Variants in TRIM62 observed in about 807,000 individuals in gnomAD.
TRIM62 encodes E3 ubiquitin-protein ligase TRIM62.
A neutral mutation model predicts 44.2 loss-of-function variants in TRIM62; 39 were observed. The ratio of observed to expected loss-of-function variants is 0.88; its 90% CI spans 0.68 to 1.15. The LOEUF (loss-of-function observed/expected upper bound fraction) is 1.15. Ranked by LOEUF, TRIM62 falls within the 50% of genes most tolerant of loss-of-function variation. The pLI is 0.00. For missense variants in TRIM62, 544 were observed against 665.5 expected (o/e 0.82, Z 2.01); for synonymous variants, 278 against 292.3 (o/e 0.95, Z 0.50).
intron 2 of TRIM62, 122 bp from the exon 3 acceptor site, chr1:33,160,066 T>C: frequency 1.6e-6 from 2 of 1,264,442 alleles, no homozygotes; most frequent in African/African-American, 1.5e-5. Flanking sequence ...GCACGCGTGG[T>C]GGGGGAAATG....
intron 3 of TRIM62, 65 bp from the exon 4 acceptor site, chr1:33,158,433 C>A: frequency 7.5e-7 from 1 of 1,329,092 alleles, no homozygotes; most frequent in Non-Finnish European, 1.1e-6. Context: ...GCCAGGGGCC[C>A]CGCAGCCACC....
At chr1:33,168,353 G>A (rs2124742940) in intron 1 of TRIM62, among the ~76,000 whole-genome samples, 1 of 152,186 alleles carries the variant, frequency 6.6e-6, no homozygotes, top group South Asian at 2.1e-4. Context: ...GGTTTACTCA[G>A]TGACATGCTA....
In TRIM62 at chr1:33,159,148, G is replaced by A. The variant is rs1645225503; in HGVS notation, c.761+540C>T. Among the ~76,000 whole-genome samples the A allele has an allele frequency of 6.6e-6, 1 of 151,960 alleles. No homozygotes were observed. Among genetic ancestry groups the A allele is most frequent in the African/African-American group, 2.4e-5 (1 of 41,348 alleles). On this transcript the variant is annotated intron_variant, in intron 3 of 4. Coordinates refer to ENST00000291416, the MANE Select transcript of TRIM62 (RefSeq NM_018207.3). This position sits in a 1 kb window ranked among gnomAD's most constrained non-coding sequence, Gnocchi z 4.2. ...GTGTGAGCCACCGTGCCCAGCAGGA[G>A]CCTCAGTTTCTACATGCATGAAATG...
intron 1 of TRIM62, among the ~76,000 whole-genome samples, chr1:33,168,937 G>A (rs1345564871): frequency 6.6e-6 from 1 of 152,184 alleles, no homozygotes; most frequent in Non-Finnish European, 1.5e-5. Context: ...ATTGCTCAGG[G>A]CACTTGAGAA....
rs756044835 is a variant in TRIM62, at chr1:33,147,743, G to A, written c.878-16C>T. On this transcript the variant is annotated splice_polypyrimidine_tract_variant and intron_variant, in intron 4 of 4. Transcript: ENST00000291416. The surrounding 1 kb of genome is among the most constrained non-coding windows in gnomAD (Gnocchi z 8.1). ...GCGGCTGGCACTGTGGGGGTTGGAGGAGGGAGAGAAGATGAGTGGGGAGAA... is the reference window on the plus strand; with the variant it reads ...GCGGCTGGCACTGTGGGGGTTGGAGAAGGGAGAGAAGATGAGTGGGGAGAA... 20 of 1,602,150 alleles carry A rather than the reference G, an allele frequency of 1.2e-5. No individual in the cohort carries two copies. Among genetic ancestry groups the A allele is most frequent in the Non-Finnish European group, 2.6e-6 (3 of 1,172,332 alleles).
rs1363160083 is a variant in TRIM62, at chr1:33,177,405, ACCTTAGAGAAGGAG to A, written c.408+3606_408+3619del. Among the ~76,000 whole-genome samples, 5 of 152,196 alleles carry A rather than the reference ACCTTAGAGAAGGAG, an allele frequency of 3.3e-5. No individual in the cohort carries two copies. Among genetic ancestry groups the A allele is most frequent in the African/African-American group, 1.2e-4 (5 of 41,442 alleles). ...CATCATATCCTCTTGTTATAGATGAACCTTAGAGAAGGAGCCTTAGAGAAGCAAAGTGACGTGAC... is the reference window on the plus strand; with the variant it reads ...CATCATATCCTCTTGTTATAGATGAACCTTAGAGAAGCAAAGTGACGTGAC... On this transcript the variant is annotated intron_variant, in intron 1 of 4. Transcript: ENST00000291416. The surrounding 1 kb of genome is among the most constrained non-coding windows in gnomAD (Gnocchi z 4.1).
chr1:33,161,628 T>C lies in TRIM62; in HGVS notation c.505-1684A>G, dbSNP rs767145089. 6.6e-6 allele frequency among the ~76,000 whole-genome samples: 1 copy of C among 152,108 alleles called. No homozygotes were observed. The highest frequency in any genetic ancestry group is 2.4e-5 in the African/African-American group (1 of 41,410). The stretch of plus-strand genomic sequence containing the variant: ...AGAGTCTGGGGATGCACGGCCAGGC[T>C]GCCGTGGCCTTCCTGAGCCCCCTCA... On this transcript the variant is annotated intron_variant, in intron 2 of 4. Transcript: ENST00000291416. The surrounding 1 kb of genome is among the most constrained non-coding windows in gnomAD (Gnocchi z 4.3).
rs929474861 is a variant in TRIM62 at position 33,159,677 on chromosome 1, G to A, written c.761+11C>T. On this transcript the variant is annotated intron_variant, in intron 3 of 4. Transcript: ENST00000291416. This position sits in a 1 kb window ranked among gnomAD's most constrained non-coding sequence, Gnocchi z 4.2. ...GGTCAGCCGGGGAGGGCCCCGGCGG[G>A]TGGCACTTACCGCTCGGACAGTGAG... The A allele has an allele frequency of 6.2e-7, 1 of 1,600,754 alleles. No individual in the cohort carries two copies. The highest frequency in any genetic ancestry group is 8.5e-7 in the Non-Finnish European group (1 of 1,174,944).
In TRIM62 at chr1:33,147,549, G is replaced by A. The variant is rs548782015; in HGVS notation, c.1056C>T (p.Tyr352=). The A allele has an allele frequency of 1.9e-6, 3 of 1,614,076 alleles. No individual in the cohort carries two copies. Among genetic ancestry groups the A allele is most frequent in the South Asian group, 2.2e-5 (2 of 91,084 alleles). ...TCTTCTCCGCCACCACCACCTCCCA[G>A]TAGTGGACGCCACTACTGAAGGCTT... ...GSEAFSSGVH[Y]WEVVVAEKTQ... The change falls in exon 5 of 5, where the codon TAC becomes TAT. Residue 352 remains tyrosine (Y), a synonymous_variant. Transcript: ENST00000291416. This position sits in a 1 kb window ranked among gnomAD's most constrained non-coding sequence, Gnocchi z 8.1.
rs943012096 is a variant in TRIM62, at chr1:33,147,838, C to A, written c.878-111G>T. 1 of 1,224,574 alleles carries A rather than the reference C, an allele frequency of 8.2e-7. No individual in the cohort carries two copies. The highest frequency in any genetic ancestry group is 2.5e-5 in the Admixed American group (1 of 40,122). The allele number at this position is 1,224,574 out of a possible 1,614,324, so 75.9% of individuals were successfully genotyped here. A position where few individuals can be genotyped will look rare whatever the true frequency, so the allele number is the denominator to read the frequency against. On this transcript the variant is annotated intron_variant, in intron 4 of 4. Transcript: ENST00000291416. The surrounding 1 kb of genome is among the most constrained non-coding windows in gnomAD (Gnocchi z 8.1). ...GGTTGGTACGCAGGAGGCCTCTGAC[C>A]TGCTGTGTGACCTTGAATACAAGTC...
At chr1:33,149,861 G>A (rs934320214) in intron 4 of TRIM62, among the ~76,000 whole-genome samples, 2 of 152,214 alleles carry the variant, frequency 1.3e-5, no homozygotes, top group African/African-American at 4.8e-5. Context: ...CAAGGACCGT[G>A]TACTGTCTAA....
chr1:33,147,372 G>C lies in TRIM62; in HGVS notation c.1233C>G (p.Asp411Glu), dbSNP rs1645034191. ...GGAAGACACCCACCTTGTCAAGCTT[G>C]TCCCGGACGTTAAGCCGCGTCCAGG... ...TEPWTRLNVR[D>E]KLDKVGVFLD... Residue 411 changes from aspartate to glutamate, a missense_variant, in exon 5 of 5, where the codon GAC (aspartate) becomes GAG (glutamate). Coordinates refer to ENST00000291416, the MANE Select transcript of TRIM62 (RefSeq NM_018207.3). This position sits in a 1 kb window ranked among gnomAD's most constrained non-coding sequence, Gnocchi z 8.1. The C allele has an allele frequency of 6.2e-7, 1 of 1,614,082 alleles. No individual in the cohort carries two copies. The highest frequency in any genetic ancestry group is 8.5e-7 in the Non-Finnish European group (1 of 1,180,042).
intron 4 of TRIM62, among the ~76,000 whole-genome samples, chr1:33,157,215 C>T (rs1019524506): frequency 4.6e-5 from 7 of 152,182 alleles, no homozygotes; most frequent in South Asian, 2.1e-4. Context: ...TCAGTCTCTT[C>T]ACCTTGACCC....
intron 4 of TRIM62, among the ~76,000 whole-genome samples, chr1:33,155,018 G>T (rs552426253): frequency 7.0e-6 from 1 of 142,122 alleles, no homozygotes; most frequent in African/African-American, 2.6e-5. Flanking sequence ...GCGTGAACCC[G>T]GGAGGCAGAC....
At chr1:33,162,138 A>T (rs2927968) in intron 2 of TRIM62, among the ~76,000 whole-genome samples, 102 of 152,288 alleles carry the variant, frequency 6.7e-4, no homozygotes, top group Non-Finnish European at 1.1e-3. Context: ...ATCCTTCTAA[A>T]GTGCCAACTG....
intron 1 of TRIM62, among the ~76,000 whole-genome samples, chr1:33,168,917 C>T (rs1366559071): frequency 3.9e-5 from 6 of 152,230 alleles, no homozygotes; most frequent in African/African-American, 1.4e-4. Context: ...TTGGAGTCTG[C>T]CTTCCTCACA....
intron 1 of TRIM62, among the ~76,000 whole-genome samples, chr1:33,172,576 G>A (rs2124746462): frequency 6.6e-6 from 1 of 152,256 alleles, no homozygotes; most frequent in East Asian, 1.9e-4. Context: ...GATGAGGTGA[G>A]TGGGGAGGAC....
chr1:33,176,184 A>G (rs559868990), intron 1 of TRIM62, among the ~76,000 whole-genome samples: 2 of 152,340 alleles, frequency 1.3e-5, no homozygotes, highest in South Asian at 4.1e-4. Context: ...GCTACAAAAT[A>G]AAGTGCCTCT....
chr1:33,166,365 C>A (rs1231052527), intron 1 of TRIM62: 2 of 149,894 alleles, frequency 1.3e-5, no homozygotes, highest in African/African-American at 4.9e-5. Flanking sequence ...GAAAAATTGT[C>A]TTCCATGAAG....
Sources: allele counts gnomAD v4.1 joint callset (sites outside exome capture counted in the v4.1 genomes callset), GRCh38; gene constraint gnomAD v4.1.1; non-coding constraint Gnocchi (gnomAD v3.1); transcripts MANE v1.5; gene names NCBI Gene and HGNC (gene_info 2026-07-23, HGNC 2026-07-21).